MYO1E: variants seen among roughly 807,000 people sequenced by gnomAD.
The protein encoded by MYO1E is myosin IE.
A neutral mutation model predicts 151.1 loss-of-function variants in MYO1E; 68 were observed. The ratio of observed to expected loss-of-function variants is 0.45; its 90% CI spans 0.37 to 0.55. MYO1E has a LOEUF of 0.55. Among genes scored for constraint, MYO1E ranks in the 20% least tolerant of loss-of-function variants. MYO1E has a pLI of 0.00. For synonymous variants in MYO1E, 601 were observed against 501.7 expected, an observed-to-expected ratio of 1.20 and a Z score of -2.64; for missense variants, 1,363 against 1,389.3, an observed-to-expected ratio of 0.98 and a Z score of 0.30.
In MYO1E at chr15:59,135,326, G is replaced by T. The variant is rs1188991211; in HGVS notation, c.*2054C>A. 6.6e-6 allele frequency: 1 copy of T among 152,164 alleles called. No individual in the cohort carries two copies. Among genetic ancestry groups the T allele is most frequent in the Admixed American group, 6.6e-5 (1 of 15,266 alleles). 9.4% of individuals were successfully genotyped at this position (152,164 alleles called of 1,614,324 possible). A position where few individuals can be genotyped will look rare whatever the true frequency, so the allele number is the denominator to read the frequency against. ...CAATCAATCAGGAGGAAAAACAAAG[G>T]CTTGTCCCAGCCAGCCAGGGGCTTA... is the stretch of plus-strand genomic sequence containing the variant. On this transcript the variant is annotated 3_prime_UTR_variant, in exon 28 of 28. Transcript: ENST00000288235.
In MYO1E at chr15:59,185,597, C is replaced by T. The variant is rs867173312; in HGVS notation, c.1904+2521G>A. On this transcript the variant is annotated intron_variant, in intron 18 of 27. Coordinates refer to ENST00000288235, the MANE Select transcript of MYO1E (RefSeq NM_004998.4). ...TAATTAAAAAAGGGTATTTTGGGGTCGGGCATGGTAGCTGATGCCTGTAAT... is the reference window on the plus strand; with the variant it reads ...TAATTAAAAAAGGGTATTTTGGGGTTGGGCATGGTAGCTGATGCCTGTAAT... Among the ~76,000 whole-genome samples the T allele has an allele frequency of 5.3e-5, 8 of 152,226 alleles. No individual in the cohort carries two copies. The East Asian group carries it at 7.7e-4, about 15-fold the overall frequency.
In MYO1E at chr15:59,157,804, A is replaced by G. The variant is rs115108620; in HGVS notation, c.2878+483T>C. 5.9e-3 allele frequency among the ~76,000 whole-genome samples: 897 copies of G among 152,348 alleles called. 13 individuals carry two copies. The highest frequency in any genetic ancestry group is 0.02 in the African/African-American group (843 of 41,582). On this transcript the variant is annotated intron_variant, in intron 25 of 27. Coordinates refer to ENST00000288235, the MANE Select transcript of MYO1E (RefSeq NM_004998.4). The stretch of plus-strand genomic sequence containing the variant: ...TGGAAAACTCAAACTGGAAAAGTAT[A>G]GATAGGTTTTGGTAATATCTGCATT...
intron 1 of MYO1E, among the ~76,000 whole-genome samples, chr15:59,293,456 G>A (rs1384320864): frequency 6.6e-6 from 1 of 151,854 alleles, no homozygotes; most frequent in African/African-American, 2.4e-5. Context: ...CAAGGCAGGA[G>A]AATCGCTTGA....
At position 59,372,795 on chromosome 15, in the gene MYO1E, T is replaced by C. The variant is rs190644282; in HGVS notation, c.-295A>G. The C allele has an allele frequency of 7.6e-4, 386 of 505,590 alleles. 2 individuals are homozygous for C. Among genetic ancestry groups the C allele is most frequent in the African/African-American group, 7.2e-3 (357 of 49,712 alleles). The allele number at this position is 505,590 out of a possible 1,614,324, so 31.3% of individuals were successfully genotyped here. Reference sequence around the variant, plus strand: ...GCCGGCCCAGGTGAGTCCGATGCGCTCGGAGCGTCCGCCTCGCTCCCCTGC... The same window carrying C: ...GCCGGCCCAGGTGAGTCCGATGCGCCCGGAGCGTCCGCCTCGCTCCCCTGC... On this transcript the variant is annotated 5_prime_UTR_variant, in exon 1 of 28. Coordinates refer to ENST00000288235, the MANE Select transcript of MYO1E (RefSeq NM_004998.4).
At chr15:59,322,019 G>A (rs1238408504) in intron 1 of MYO1E, among the ~76,000 whole-genome samples, 3 of 151,690 alleles carry the variant, frequency 2.0e-5, no homozygotes, top group African/African-American at 4.8e-5. Context: ...ACAAAAGTAC[G>A]AAAAAAATAG....
intron 1 of MYO1E, among the ~76,000 whole-genome samples, chr15:59,349,152 G>GA (rs1445139745): frequency 6.6e-6 from 1 of 151,576 alleles, no homozygotes; most frequent in Non-Finnish European, 1.5e-5. Context: ...CAGGCAAGGG[G>GA]AAAAAAGGGG....
At chr15:59,307,668 C>A (rs1267718810) in intron 1 of MYO1E, among the ~76,000 whole-genome samples, 8 of 151,970 alleles carry the variant, frequency 5.3e-5, no homozygotes, top group Admixed American at 1.3e-4. Flanking sequence ...TGGAGTGCAA[C>A]GGCGCGATCT....
chr15:59,214,512 G>T, intron 11 of MYO1E, 128 bp downstream of exon 11: 1 of 1,040,198 alleles, frequency 9.6e-7, no homozygotes, highest in Non-Finnish European at 1.5e-6. Context: ...AAATGAGCCT[G>T]AGTTGTTTTT....
chr15:59,258,579 G>T (rs529697465), intron 3 of MYO1E, among the ~76,000 whole-genome samples: 41 of 152,222 alleles, frequency 2.7e-4, no homozygotes, highest in Non-Finnish European at 4.3e-4. Flanking sequence ...AGCGCTGGGT[G>T]TGATGGCTAA....
chr15:59,274,909 C>T (rs1279899807), intron 1 of MYO1E, among the ~76,000 whole-genome samples: 3 of 152,172 alleles, frequency 2.0e-5, no homozygotes, highest in Non-Finnish European at 2.9e-5. Flanking sequence ...GTCTCTAATG[C>T]TCAAAGAGGA....
chr15:59,249,066 GGCT>G (rs1185748003), intron 4 of MYO1E, among the ~76,000 whole-genome samples: 1 of 152,158 alleles, frequency 6.6e-6, no homozygotes, highest in Non-Finnish European at 1.5e-5. Context: ...GATGGACCTA[GGCT>G]TCCATGGAGC....
At chr15:59,223,223 G>A (rs781185586) in intron 8 of MYO1E, 32 bp from the exon 9 acceptor site, 1 of 1,613,512 alleles carries the variant, frequency 6.2e-7, no homozygotes, top group South Asian at 1.1e-5. Flanking sequence ...ATCCAGAGAA[G>A]CTGGTCACCA....
intron 1 of MYO1E, among the ~76,000 whole-genome samples, chr15:59,332,919 T>C (rs2140424025): frequency 6.6e-6 from 1 of 152,290 alleles, no homozygotes; most frequent in Middle Eastern, 3.4e-3. Context: ...CATGCTGTTA[T>C]TTAATCAGGT....
chr15:59,277,564 A>AACAAAAAAAAAAC lies in MYO1E; in HGVS notation c.4-5116_4-5115insGTTTTTTTTTTGT, dbSNP rs1567000054. Among the ~76,000 whole-genome samples, 260 of 139,808 alleles carry AACAAAAAAAAAAC rather than the reference A, an allele frequency of 1.9e-3. 4 individuals are homozygous for AACAAAAAAAAAAC. The highest frequency in any genetic ancestry group is 8.3e-3 in the East Asian group (39 of 4,726). The allele number at this position is 139,808 out of a possible 152,430, so 91.7% of individuals were successfully genotyped here. A position where few individuals can be genotyped will look rare whatever the true frequency, so the allele number is the denominator to read the frequency against. The stretch of plus-strand genomic sequence containing the variant: ...ATCCCCCCACAAAAAAAAAAAAAAA[A>AACAAAAAAAAAAC]AAAAAAAAACATCAAAGCCTCATCC... On this transcript the variant is annotated intron_variant, in intron 1 of 27. Transcript: ENST00000288235.
At chr15:59,241,299 C>T (rs1358945881) in intron 4 of MYO1E, among the ~76,000 whole-genome samples, 6 of 152,112 alleles carry the variant, frequency 3.9e-5, no homozygotes, top group Non-Finnish European at 7.3e-5. Context: ...GTTGGAGAAC[C>T]AGCCTTAGCA....
In MYO1E at chr15:59,218,096, C is replaced by T. The variant is rs371620679; in HGVS notation, c.911-9G>A. 1.2e-4 allele frequency: 200 copies of T among 1,613,886 alleles called. No homozygotes were observed. Among genetic ancestry groups the T allele is most frequent in the Non-Finnish European group, 1.7e-4 (197 of 1,179,890 alleles). On this transcript the variant is annotated splice_polypyrimidine_tract_variant and intron_variant, in intron 9 of 27. Coordinates refer to ENST00000288235, the MANE Select transcript of MYO1E (RefSeq NM_004998.4). ...TGCAGGAAAAGCTAAAACTGTAGAA[C>T]ATAAAACAAAACATGACAATCTTTC...
chr15:59,283,132 C>T (rs1453101088), intron 1 of MYO1E, among the ~76,000 whole-genome samples: 2 of 151,152 alleles, frequency 1.3e-5, no homozygotes, highest in African/African-American at 4.9e-5. Flanking sequence ...CAAGCCTGGT[C>T]TGGAACCCCT....
chr15:59,193,336 C>G (rs1237604259), intron 17 of MYO1E, among the ~76,000 whole-genome samples: 2 of 152,216 alleles, frequency 1.3e-5, no homozygotes, highest in Non-Finnish European at 2.9e-5. Flanking sequence ...GGGTCTCACT[C>G]TAACAGCTGG....
At chr15:59,238,976 T>A (rs2080082736) in intron 4 of MYO1E, among the ~76,000 whole-genome samples, 1 of 151,272 alleles carries the variant, frequency 6.6e-6, no homozygotes, top group Non-Finnish European at 1.5e-5. Flanking sequence ...GAGGCCAAGG[T>A]GGACGGATCA....
Sources: allele counts gnomAD v4.1 joint callset (sites outside exome capture counted in the v4.1 genomes callset), GRCh38; gene constraint gnomAD v4.1.1; transcripts MANE v1.5; gene names NCBI Gene and HGNC (gene_info 2026-07-23, HGNC 2026-07-21).